The following NRP1 variants were observed in gnomAD, a reference collection of about 807,000 sequenced individuals.
NRP1 encodes neuropilin 1, also known as neuropilin-1.
In NRP1, 35 loss-of-function variants were observed where a neutral mutation model predicts 106.7. The observed-to-expected ratio is 0.33, with a 90% CI of 0.25 to 0.43. NRP1 has a LOEUF of 0.43. Ranked by LOEUF, NRP1 falls within the 20% of genes least tolerant of loss-of-function variation. NRP1 has a pLI of 1.00. For synonymous variants in NRP1, 437 were observed against 417.9 expected (o/e 1.05, Z -0.56); for missense variants, 1,024 against 1,170.4 (o/e 0.87, Z 1.83).
At chr10:33,243,977 G>C (rs1841227565) in intron 6 of NRP1, among the ~76,000 whole-genome samples, 1 of 151,344 alleles carries the variant, frequency 6.6e-6, no homozygotes, top group Non-Finnish European at 1.5e-5. Context: ...ATGCATGCTT[G>C]CGTCTGCCTA....
intron 15 of NRP1, among the ~76,000 whole-genome samples, chr10:33,184,312 G>A (rs919840864): frequency 5.3e-5 from 8 of 152,290 alleles, no homozygotes; most frequent in Non-Finnish European, 7.3e-5. Context: ...CACTGCACCC[G>A]GCTCAGCCAT....
At chr10:33,265,830 T>C (rs1842879670) in intron 3 of NRP1, among the ~76,000 whole-genome samples, 1 of 152,214 alleles carries the variant, frequency 6.6e-6, no homozygotes, top group Non-Finnish European at 1.5e-5. Flanking sequence ...AGGTAGAGAT[T>C]ATGACATGTG....
intron 2 of NRP1, among the ~76,000 whole-genome samples, chr10:33,313,464 A>G (rs1195507360): frequency 6.6e-6 from 1 of 152,162 alleles, no homozygotes; most frequent in South Asian, 2.1e-4. Flanking sequence ...AAAATAGCTC[A>G]TGTACCCCAG....
At chr10:33,202,534 T>G in intron 11 of NRP1, 2 of 1,296,098 alleles carry the variant, frequency 1.5e-6, no homozygotes, top group Non-Finnish European at 1.0e-6. Context: ...CATTCTGAAG[T>G]GTGTGGTTAC....
intron 9 of NRP1, chr10:33,212,913 C>A (rs184049751): frequency 1.2e-3 from 365 of 310,208 alleles, no homozygotes; most frequent in African/African-American, 7.4e-3. Flanking sequence ...TCAGACAATC[C>A]GCCCGACTCG....
chr10:33,271,389 G>A (rs528030978), intron 2 of NRP1, among the ~76,000 whole-genome samples: 13 of 152,226 alleles, frequency 8.5e-5, no homozygotes, highest in African/African-American at 3.1e-4. Flanking sequence ...CCAAACTCCA[G>A]ACTTCTTTGA....
intron 13 of NRP1, among the ~76,000 whole-genome samples, chr10:33,191,975 T>G (rs1374132743): frequency 8.8e-6 from 1 of 114,052 alleles, no homozygotes; most frequent in Non-Finnish European, 1.7e-5. Flanking sequence ...GAGACTCCAT[T>G]TCAAAAAAAA....
At chr10:33,221,320 C>T (rs926094914) in intron 8 of NRP1, among the ~76,000 whole-genome samples, 4 of 152,140 alleles carry the variant, frequency 2.6e-5, no homozygotes, top group South Asian at 2.1e-4. Flanking sequence ...CAGAGATGAA[C>T]GGCATGATAC....
At chr10:33,200,977 A>G (rs1378248339) in intron 11 of NRP1, 2 of 152,212 alleles carry the variant, frequency 1.3e-5, no homozygotes, top group Admixed American at 6.5e-5. Context: ...GAGAGTATTT[A>G]TAGAATTATT....
chr10:33,185,764 A>G, intron 14 of NRP1, 40 bp from the exon 15 acceptor site: 1 of 1,508,494 alleles, frequency 6.6e-7, no homozygotes, highest in Non-Finnish European at 9.2e-7. Flanking sequence ...TGAAATGCTC[A>G]TCTCACATGG....
intron 9 of NRP1, among the ~76,000 whole-genome samples, chr10:33,209,360 A>T (rs1838088979): frequency 6.6e-6 from 1 of 152,258 alleles, no homozygotes. Context: ...CCCCATGGCC[A>T]TACACACAGC....
At chr10:33,221,949 T>G in intron 7 of NRP1, 86 bp from the exon 8 acceptor site, 1 of 1,433,990 alleles carries the variant, frequency 7.0e-7, no homozygotes, top group Non-Finnish European at 9.7e-7. Flanking sequence ...TTGTAAAAAT[T>G]ATTTACAATT....
intron 4 of NRP1, among the ~76,000 whole-genome samples, chr10:33,259,075 C>T (rs1157746111): frequency 6.6e-6 from 1 of 152,198 alleles, no homozygotes; most frequent in Non-Finnish European, 1.5e-5. Flanking sequence ...TGTGATTGCC[C>T]TGTGGAAGCT....
At chr10:33,322,350 A>C (rs1346445775) in intron 2 of NRP1, among the ~76,000 whole-genome samples, 1 of 152,204 alleles carries the variant, frequency 6.6e-6, no homozygotes, top group Admixed American at 6.5e-5. Context: ...TCCATTCCTA[A>C]GTTAAGGCAA....
chr10:33,202,816 A>G lies in NRP1; in HGVS notation c.1864+75T>C, dbSNP rs566292064. Reference sequence around the variant, plus strand: ...CTGCCATGCGGAGTTACAAGCACACACACAGGCGTTAGCTGGTCCCAACTA... The same window carrying G: ...CTGCCATGCGGAGTTACAAGCACACGCACAGGCGTTAGCTGGTCCCAACTA... On this transcript the variant is annotated intron_variant, in intron 11 of 16. Transcript: ENST00000374867. The G allele has an allele frequency of 5.6e-6, 9 of 1,613,502 alleles. No homozygotes were observed. In the South Asian group the frequency reaches 9.9e-5, roughly 18 times the overall value.
intron 7 of NRP1, among the ~76,000 whole-genome samples, chr10:33,223,400 T>A (rs1588765968): frequency 6.6e-6 from 1 of 151,948 alleles, no homozygotes; most frequent in East Asian, 1.9e-4. Context: ...GCAGGAGGAT[T>A]GCTTGAGGCC....
chr10:33,272,712 T>C (rs1455246661), intron 2 of NRP1, among the ~76,000 whole-genome samples: 1 of 152,180 alleles, frequency 6.6e-6, no homozygotes, highest in Non-Finnish European at 1.5e-5. Flanking sequence ...CAGGTTTGCA[T>C]GTTTCGCCCC....
At chr10:33,211,781 G>C (rs1407200704) in intron 9 of NRP1, 1 of 152,270 alleles carries the variant, frequency 6.6e-6, no homozygotes, top group East Asian at 1.9e-4. Flanking sequence ...TAGAGTGGGA[G>C]TGAGGGTAAT....
intron 6 of NRP1, among the ~76,000 whole-genome samples, chr10:33,246,963 A>G (rs1262636953): frequency 6.6e-6 from 1 of 152,190 alleles, no homozygotes; most frequent in African/African-American, 2.4e-5. Flanking sequence ...GGTGAAAAAA[A>G]TCAAAAATGA....
Sources: gnomAD v4.1 joint callset for allele counts (sites outside exome capture counted in the v4.1 genomes callset) on GRCh38, gnomAD v4.1.1 for gene constraint, MANE v1.5 for transcripts, NCBI Gene and HGNC (gene_info 2026-07-23, HGNC 2026-07-21) for gene names.